The following SAXO1 variants were observed in gnomAD, a reference collection of about 807,000 sequenced individuals.
SAXO1 encodes the protein stabilizer of axonemal microtubules 1.
SAXO1 carries 21 observed loss-of-function variants against 17.5 expected under a neutral mutation model. That is an observed-to-expected ratio of 1.20 (90% CI 0.85 to 1.72). The LOEUF (loss-of-function observed/expected upper bound fraction) is 1.72. Among genes scored for constraint, SAXO1 ranks in the 40% most tolerant of loss-of-function variants. The pLI, the probability that SAXO1 is intolerant of heterozygous loss-of-function variation, is 0.00. For missense variants in SAXO1, 843 were observed against 596.0 expected (o/e 1.41, Z -4.32); for synonymous variants, 274 against 216.5 (o/e 1.27, Z -2.33).
At chr9:19,043,671 T>C (rs960763635) in intron 1 of SAXO1, among the ~76,000 whole-genome samples, 4 of 151,678 alleles carry the variant, frequency 2.6e-5, no homozygotes, top group Admixed American at 6.6e-5. Flanking sequence ...GGGGCACTGA[T>C]GTGGGAGGAT....
intron 1 of SAXO1, among the ~76,000 whole-genome samples, chr9:19,045,009 T>A (rs976811201): frequency 3.3e-5 from 5 of 151,516 alleles, no homozygotes; most frequent in Admixed American, 1.3e-4. Context: ...TTTGAAGAGC[T>A]CTTTAAGATG....
intron 1 of SAXO1, among the ~76,000 whole-genome samples, chr9:19,038,513 A>T (rs2131066954): frequency 6.7e-6 from 1 of 150,098 alleles, no homozygotes; most frequent in East Asian, 2.0e-4. Context: ...AAGGACAAAA[A>T]ACCAAACACC....
At chr9:19,046,643 G>T (rs1836223626) in intron 1 of SAXO1, among the ~76,000 whole-genome samples, 1 of 151,662 alleles carries the variant, frequency 6.6e-6, no homozygotes, top group Admixed American at 6.6e-5. Context: ...CAGAGGTTGT[G>T]GTGAGCTGAG....
intron 1 of SAXO1, among the ~76,000 whole-genome samples, chr9:19,028,793 T>C (rs1253783584): frequency 6.6e-6 from 1 of 152,218 alleles, no homozygotes. Context: ...TGAAAAGTTT[T>C]ACAAGTGATT....
chr9:18,949,033 T>A (rs915576166), intron 2 of SAXO1, among the ~76,000 whole-genome samples: 1 of 152,188 alleles, frequency 6.6e-6, no homozygotes, highest in Non-Finnish European at 1.5e-5. Context: ...ACAAAAGCAA[T>A]GCTCAGAAAT....
intron 1 of SAXO1, among the ~76,000 whole-genome samples, chr9:18,967,530 C>T (rs898248474): frequency 3.3e-5 from 5 of 152,186 alleles, no homozygotes; most frequent in Admixed American, 1.3e-4. Flanking sequence ...AACTTCCTGG[C>T]TTTGTTTACA....
chr9:18,938,505 C>G (rs1444371884), intron 3 of SAXO1, among the ~76,000 whole-genome samples: 2 of 151,994 alleles, frequency 1.3e-5, no homozygotes, highest in Non-Finnish European at 2.9e-5. Flanking sequence ...CTCAGGGGAA[C>G]TCACTCATTT....
upstream of SAXO1, among the ~76,000 whole-genome samples, chr9:19,036,575 T>C (rs1344727144): frequency 2.0e-5 from 3 of 152,218 alleles, no homozygotes; most frequent in Admixed American, 6.5e-5. Flanking sequence ...GCTTGGGCCA[T>C]GGCTTCAGAG....
chr9:18,941,548 T>G, intron 3 of SAXO1, 89 bp downstream of exon 3: 1 of 1,474,526 alleles, frequency 6.8e-7, no homozygotes, highest in Non-Finnish European at 9.4e-7. Context: ...ACTCTTGCAC[T>G]AACTGAGTAT....
intron 1 of SAXO1, among the ~76,000 whole-genome samples, chr9:18,981,455 G>A (rs1833381145): frequency 6.6e-6 from 1 of 152,156 alleles, no homozygotes; most frequent in Non-Finnish European, 1.5e-5. Flanking sequence ...CTTTTCCAGA[G>A]GGGCTCCCTG....
chr9:19,026,090 A>G (rs1194027902), intron 1 of SAXO1, among the ~76,000 whole-genome samples: 2 of 149,904 alleles, frequency 1.3e-5, no homozygotes, highest in South Asian at 4.2e-4. Flanking sequence ...ATTTCAAAAT[A>G]GCTAGAAGAT....
intron 1 of SAXO1, among the ~76,000 whole-genome samples, chr9:19,040,397 C>T (rs887923527): frequency 5.3e-5 from 8 of 152,200 alleles, no homozygotes; most frequent in African/African-American, 1.7e-4. Context: ...AGCACAGTGT[C>T]TCTGGGAGGC....
chr9:18,947,247 T>C (rs1831836630), intron 2 of SAXO1, among the ~76,000 whole-genome samples: 1 of 152,136 alleles, frequency 6.6e-6, no homozygotes. Flanking sequence ...TATATAAAAT[T>C]CAATGGGCAG....
chr9:19,042,239 G>T (rs977644953), intron 1 of SAXO1, among the ~76,000 whole-genome samples: 2 of 152,144 alleles, frequency 1.3e-5, no homozygotes, highest in African/African-American at 4.8e-5. Flanking sequence ...AAATGACAAT[G>T]AGATATCATG....
intron 1 of SAXO1, among the ~76,000 whole-genome samples, chr9:18,974,011 T>C (rs7048093): frequency 0.14 from 21,713 of 152,242 alleles, 3,007 homozygotes; most frequent in African/African-American, 0.36. Context: ...CTTCTTGACA[T>C]TGGTGCTCAG....
At chr9:18,999,147 A>G (rs900810615) in intron 1 of SAXO1, among the ~76,000 whole-genome samples, 4 of 152,258 alleles carry the variant, frequency 2.6e-5, no homozygotes, top group Non-Finnish European at 4.4e-5. Context: ...TCCAATTAAA[A>G]GACACAGACT....
At chr9:18,977,831 C>CA (rs1370896485) in intron 1 of SAXO1, among the ~76,000 whole-genome samples, 5 of 151,640 alleles carry the variant, frequency 3.3e-5, no homozygotes, top group Admixed American at 6.6e-5. Context: ...CCGTCTCTAC[C>CA]AAAAAATACA....
At chr9:19,021,615 A>C (rs1292748468) in intron 1 of SAXO1, among the ~76,000 whole-genome samples, 1 of 152,238 alleles carries the variant, frequency 6.6e-6, no homozygotes, top group Non-Finnish European at 1.5e-5. Context: ...CAAGGACCTG[A>C]ACAAGTTCAC....
chr9:18,984,771 T>TCATTCATG (rs758473188), intron 1 of SAXO1, among the ~76,000 whole-genome samples: 21 of 152,208 alleles, frequency 1.4e-4, no homozygotes, highest in Admixed American at 9.8e-4. Context: ...TGCTTTCTCA[T>TCATTCATG]CATTCATGCG....
Sources: gnomAD v4.1 joint callset for allele counts (sites outside exome capture counted in the v4.1 genomes callset) on GRCh38, gnomAD v4.1.1 for gene constraint, MANE v1.5 for transcripts, NCBI Gene and HGNC (gene_info 2026-07-23, HGNC 2026-07-21) for gene names.